ABCA13: variants seen among roughly 807,000 people sequenced by gnomAD.
The protein encoded by ABCA13 is ATP binding cassette subfamily A member 13, also known as ATP-binding cassette sub-family A member 13.
A neutral mutation model predicts 478.7 loss-of-function variants in ABCA13; 476 were observed. That is an observed-to-expected ratio of 0.99 (90% CI 0.92 to 1.07). The LOEUF (loss-of-function observed/expected upper bound fraction) is 1.07, where lower values mean the gene tolerates loss of function less well. Among genes scored for constraint, ABCA13 ranks in the 50% least tolerant of loss-of-function variants. ABCA13 has a pLI of 0.00. For missense variants in ABCA13, 6,060 were observed against 5,910.6 expected, an observed-to-expected ratio of 1.03 and a Z score of -0.83; for synonymous variants, 2,252 against 2,158.9, an observed-to-expected ratio of 1.04 and a Z score of -1.20.
In ABCA13 at chr7:48,517,434, G is replaced by A. The variant is rs187838578; in HGVS notation, c.13797+553G>A. ...CAGCCAAGGGCTTTCCTGAGCCTGA[G>A]GCCCGTGGTCAGGAAGAACTTCTCC... On this transcript the variant is annotated intron_variant, in intron 52 of 61. Coordinates refer to ENST00000435803, the MANE Select transcript of ABCA13 (RefSeq NM_152701.5). 1.7e-3 allele frequency among the ~76,000 whole-genome samples: 265 copies of A among 152,270 alleles called. 1 individual carries two copies. The highest frequency in any genetic ancestry group is 6.1e-3 in the African/African-American group (255 of 41,562).
intron 42 of ABCA13, among the ~76,000 whole-genome samples, chr7:48,435,245 A>G (rs1473451392): frequency 6.6e-6 from 1 of 151,676 alleles, no homozygotes; most frequent in Admixed American, 6.6e-5. Flanking sequence ...ATTCTTTAGT[A>G]TTTTATTCTC....
Position 48,480,476 on chromosome 7 carries a change from C to G in ABCA13, c.12976-560C>G, listed in dbSNP as rs377742775. On this transcript the variant is annotated intron_variant, in intron 45 of 61. Coordinates refer to ENST00000435803, the MANE Select transcript of ABCA13 (RefSeq NM_152701.5). Reference sequence around the variant, plus strand: ...AAAGCACATTAACTCTAAAGCCGGTCTGTGGCAGGGCAGAGCACATCATTG... The same window carrying G: ...AAAGCACATTAACTCTAAAGCCGGTGTGTGGCAGGGCAGAGCACATCATTG... Among the ~76,000 whole-genome samples the G allele has an allele frequency of 7.2e-5, 11 of 152,300 alleles. No individual in the cohort carries two copies. In the East Asian group the frequency reaches 1.2e-3, roughly 16 times the overall value.
intron 43 of ABCA13, among the ~76,000 whole-genome samples, chr7:48,458,276 T>C (rs1384164505): frequency 1.3e-5 from 2 of 152,248 alleles, no homozygotes; most frequent in African/African-American, 2.4e-5. Context: ...TCACATCTTA[T>C]AGTCCTCCTG....
At chr7:48,379,492 A>C (rs1158312106) in intron 35 of ABCA13, among the ~76,000 whole-genome samples, 1 of 152,176 alleles carries the variant, frequency 6.6e-6, no homozygotes, top group African/African-American at 2.4e-5. Flanking sequence ...TAAAAGAGAA[A>C]TAGAAACTAA....
At chr7:48,408,254 C>T (rs376350490) in intron 39 of ABCA13, among the ~76,000 whole-genome samples, 18 of 152,318 alleles carry the variant, frequency 1.2e-4, no homozygotes, top group Admixed American at 2.6e-4. Context: ...CTCCCTGCCC[C>T]GCCAGCTCCT....
chr7:48,538,825 G>A (rs1368730156), intron 55 of ABCA13, among the ~76,000 whole-genome samples: 1 of 152,062 alleles, frequency 6.6e-6, no homozygotes, highest in African/African-American at 2.4e-5. Flanking sequence ...TAAGATACTT[G>A]ATAGGGCCTT....
At chr7:48,367,417 C>A (rs1811846038) in intron 31 of ABCA13, among the ~76,000 whole-genome samples, 2 of 152,156 alleles carry the variant, frequency 1.3e-5, no homozygotes, top group African/African-American at 4.8e-5. Context: ...AGATGATAAT[C>A]TGTGATCAAT....
intron 59 of ABCA13, among the ~76,000 whole-genome samples, chr7:48,630,394 T>A (rs183838447): frequency 6.6e-6 from 1 of 152,286 alleles, no homozygotes; most frequent in Admixed American, 6.5e-5. Flanking sequence ...CTCCCACATA[T>A]AAGTGTGAAC....
chr7:48,537,463 A>C (rs942781856), intron 55 of ABCA13, among the ~76,000 whole-genome samples: 20 of 152,192 alleles, frequency 1.3e-4, no homozygotes, highest in African/African-American at 4.8e-4. Context: ...AGAAGGATGC[A>C]TCTCACGGAT....
At chr7:48,225,131 G>T (rs141728783) in intron 5 of ABCA13, among the ~76,000 whole-genome samples, 5,696 of 105,066 alleles carry the variant, frequency 0.054, 225 homozygotes, top group Non-Finnish European at 0.086. Flanking sequence ...CTGCCTGCCT[G>T]CCTGCCTTCC....
Position 48,645,458 on chromosome 7 carries a change from A to T in ABCA13, c.15123A>T (p.Gln5041His). 6.3e-7 allele frequency: 1 copy of T among 1,587,914 alleles called. No individual in the cohort carries two copies. The highest frequency in any genetic ancestry group is 1.2e-5 in the South Asian group (1 of 86,614). ...CTTCTGAGCAGCAGCAAACTCTACA[A>T]TCTACTCTTGATCCATCCACTGACA... ...NFASEQQQTL[Q>H]STLDPSTDSH... Residue 5041 changes from glutamine to histidine, a missense_variant, in exon 62 of 62, where the codon CAA (glutamine) becomes CAT (histidine). Physicochemically the swap from Gln to His is conservative, Grantham distance 24 (BLOSUM62 0). This residue lies in a region of ABCA13 where 1,627 missense variants were observed against 1,571.0 expected (regional missense o/e 1.04). Coordinates refer to ENST00000435803, the MANE Select transcript of ABCA13 (RefSeq NM_152701.5).
At chr7:48,632,657 T>C (rs1240329572) in intron 59 of ABCA13, among the ~76,000 whole-genome samples, 1 of 152,162 alleles carries the variant, frequency 6.6e-6, no homozygotes, top group Non-Finnish European at 1.5e-5. Context: ...CAATAGGATA[T>C]ACCTGTAGAT....
In ABCA13 at chr7:48,240,869, G is replaced by A. The variant is rs1790725867; in HGVS notation, c.1065G>A (p.Val355=). ...TATTTTGGTTTCCGAATTTGTAGGT[G>A]TTTGTTCAGTGGCAACAGGGTAGCC... is the stretch of plus-strand genomic sequence containing the variant. ...AVSWLRVYQQ[V]FVQWQQGSLL... is the part of the protein sequence containing the mutation. The change falls in exon 10 of 62, where the codon GTG becomes GTA. Residue 355 remains valine (V), a splice_region_variant and synonymous_variant. Transcript: ENST00000435803. 2 of 1,524,730 alleles carry A rather than the reference G, an allele frequency of 1.3e-6. No homozygotes were observed. The highest frequency in any genetic ancestry group is 1.8e-6 in the Non-Finnish European group (2 of 1,134,598). 94.5% of individuals were successfully genotyped at this position (1,524,730 alleles called of 1,614,324 possible).
At chr7:48,196,501 T>G (rs954070846) in intron 2 of ABCA13, among the ~76,000 whole-genome samples, 1 of 152,050 alleles carries the variant, frequency 6.6e-6, no homozygotes, top group African/African-American at 2.4e-5. Context: ...GACAGCAAAT[T>G]TCCCCTGGCT....
chr7:48,220,038 CT>C (rs1254077872), intron 4 of ABCA13, among the ~76,000 whole-genome samples: 1 of 151,828 alleles, frequency 6.6e-6, no homozygotes, highest in East Asian at 1.9e-4. Flanking sequence ...GATTACAAAC[CT>C]TTTGGATTAT....
chr7:48,296,820 T>C (rs1174058040), intron 21 of ABCA13, among the ~76,000 whole-genome samples: 1 of 152,188 alleles, frequency 6.6e-6, no homozygotes, highest in South Asian at 2.1e-4. Flanking sequence ...TCTGAAAGTG[T>C]AAAGCACCAG....
At chr7:48,465,220 G>A (rs1338612773) in intron 43 of ABCA13, among the ~76,000 whole-genome samples, 3 of 152,168 alleles carry the variant, frequency 2.0e-5, no homozygotes, top group Non-Finnish European at 2.9e-5. Context: ...ATGTCAGATT[G>A]GTATGTTAGA....
Position 48,248,274 on chromosome 7 carries a change from A to T in ABCA13, c.1695A>T (p.Lys565Asn). Reference sequence around the variant, plus strand: ...TGCAAGAGGTCATTACTTGGCACAAAAATATGTCAGTTTTAATACCTGAAG... The same window carrying T: ...TGCAAGAGGTCATTACTTGGCACAATAATATGTCAGTTTTAATACCTGAAG... ...RILQEVITWH[K>N]NMSVLIPEEY... Residue 565 changes from lysine (K) to asparagine (N), a missense_variant, in exon 14 of 62, where the codon AAA becomes AAT. Coordinates refer to ENST00000435803, the MANE Select transcript of ABCA13 (RefSeq NM_152701.5). 6.2e-7 allele frequency: 1 copy of T among 1,613,774 alleles called. No homozygotes were observed. The highest frequency in any genetic ancestry group is 8.5e-7 in the Non-Finnish European group (1 of 1,179,756).
rs1790681340 is a variant in ABCA13 at position 48,599,701 on chromosome 7, GAA to G, written c.14744+4890_14744+4891del. Among the ~76,000 whole-genome samples, 3 of 152,304 alleles carry G rather than the reference GAA, an allele frequency of 2.0e-5. No homozygotes were observed. In the South Asian group the frequency reaches 6.2e-4, roughly 32 times the overall value. The stretch of plus-strand genomic sequence containing the variant: ...AGTATCCAACTCCACTGTGTAGTGT[GAA>G]AGCTTCCACCAGTATTAGGTAAATG... On this transcript the variant is annotated intron_variant, in intron 58 of 61. Coordinates refer to ENST00000435803, the MANE Select transcript of ABCA13 (RefSeq NM_152701.5).
Sources: allele counts gnomAD v4.1 joint callset (sites outside exome capture counted in the v4.1 genomes callset), GRCh38; gene constraint gnomAD v4.1.1; regional missense constraint gnomAD v4.1.1; transcripts MANE v1.5; gene names NCBI Gene and HGNC (gene_info 2026-07-23, HGNC 2026-07-21).